Variants in CHD1L observed in about 807,000 individuals in gnomAD.
The protein encoded by CHD1L is ATP-dependent chromatin remodeler CHD1L.
A neutral mutation model predicts 115.9 loss-of-function variants in CHD1L; 118 were observed. That is an observed-to-expected ratio of 1.02 (90% CI 0.88 to 1.19). CHD1L has a LOEUF of 1.19. Ranked by LOEUF, CHD1L falls within the 50% of genes most tolerant of loss-of-function variation. The probability of loss-of-function intolerance (pLI) is 0.00; values close to 1 mark genes in which losing one functional copy is unlikely to be tolerated. For synonymous variants in CHD1L, 411 were observed against 387.1 expected, an observed-to-expected ratio of 1.06 and a Z score of -0.72; for missense variants, 1,179 against 1,065.3, an observed-to-expected ratio of 1.11 and a Z score of -1.49.
chr1:147,224,836 C>T, the CHD1L span: 1 of 1,534,024 alleles, frequency 6.5e-7, no homozygotes. Flanking sequence ...GATAAACTGT[C>T]GTATGCACCT....
intron 1 of CHD1L, among the ~76,000 whole-genome samples, chr1:147,250,944 G>C (rs1473791894): frequency 1.3e-5 from 2 of 152,098 alleles, no homozygotes; most frequent in African/African-American, 4.8e-5. Flanking sequence ...TCATGGTAGT[G>C]AATAAATCTC....
At chr1:147,238,161 G>C (rs183697043), upstream of CHD1L, among the ~76,000 whole-genome samples, 1 of 152,270 alleles carries the variant, frequency 6.6e-6, no homozygotes, top group East Asian at 1.9e-4. Flanking sequence ...TTGCAAGAAA[G>C]AAAACCCAAG....
chr1:147,245,996 T>A (rs1209093145), intron 1 of CHD1L, among the ~76,000 whole-genome samples: 1 of 152,200 alleles, frequency 6.6e-6, no homozygotes, highest in African/African-American at 2.4e-5. Flanking sequence ...CCAGAACATT[T>A]TCCATCTCCA....
the CHD1L span, among the ~76,000 whole-genome samples, chr1:147,221,843 C>T: frequency 7.2e-5 from 11 of 152,334 alleles, no homozygotes; most frequent in South Asian, 4.1e-4. Context: ...TCAAATCCTT[C>T]GAAACACCTG....
the CHD1L span, chr1:147,201,308 C>T: frequency 2.1e-4 from 344 of 1,614,122 alleles, 2 homozygotes; most frequent in South Asian, 1.8e-3. Flanking sequence ...ACCACTTTGA[C>T]GGAATCTTCC....
chr1:147,287,644 G>T lies in CHD1L; in HGVS notation c.2231G>T (p.Gly744Val). 1 of 1,613,510 alleles carries T rather than the reference G, an allele frequency of 6.2e-7. No homozygotes were observed. The highest frequency in any genetic ancestry group is 1.3e-5 in the African/African-American group (1 of 74,982). ...CTCTTTCTTCAAACAGATGACTCTG[G>T]CCACTGGGGCAGAGGTGGTTTATTT... ...ALIVHCVDDS[G>V]HWGRGGLFTA... The change falls in exon 19 of 23, where the codon GGC becomes GTC. Residue 744 changes from glycine to valine, a missense_variant. Coordinates refer to ENST00000369258, the MANE Select transcript of CHD1L (RefSeq NM_004284.6).
chr1:147,294,442 C>T lies in CHD1L; in HGVS notation c.2540C>T (p.Thr847Met), dbSNP rs373116065. ...SVHLPRIGHA[T>M]KGFNWYGTER... ...CATCTTCCACGTATTGGACATGCCA[C>T]GAAAGGTTTTAACTGGTATGGTACT... The change falls in exon 22 of 23, where the codon ACG becomes ATG. Residue 847 changes from threonine to methionine, a missense_variant. Thr to Met is a moderately conservative substitution (Grantham distance 81, BLOSUM62 -1). Transcript: ENST00000369258. The T allele has an allele frequency of 1.2e-5, 19 of 1,612,350 alleles. No individual in the cohort carries two copies. Among genetic ancestry groups the T allele is most frequent in the Middle Eastern group, 3.3e-4 (2 of 6,078 alleles).
intron 19 of CHD1L, among the ~76,000 whole-genome samples, chr1:147,288,799 T>A (rs1684391279): frequency 6.6e-6 from 1 of 152,148 alleles, no homozygotes; most frequent in Non-Finnish European, 1.5e-5. Flanking sequence ...GGTATAACAC[T>A]CCCTGGAGAC....
At chr1:147,279,610 TC>T (rs1680010463) in intron 14 of CHD1L, among the ~76,000 whole-genome samples, 1 of 152,102 alleles carries the variant, frequency 6.6e-6, no homozygotes, top group African/African-American at 2.4e-5. Context: ...AGTGTAGCCT[TC>T]CCTTTCTAAG....
chr1:147,191,948 G>C, the CHD1L span, among the ~76,000 whole-genome samples: 1 of 152,026 alleles, frequency 6.6e-6, no homozygotes, highest in Non-Finnish European at 1.5e-5. Context: ...GTAGCGTGAT[G>C]CCTCCAGCTT....
intron 14 of CHD1L, 144 bp from the exon 15 acceptor site, chr1:147,279,882 A>G (rs1419253206): frequency 1.5e-5 from 11 of 730,452 alleles, no homozygotes; most frequent in Admixed American, 9.3e-5. Flanking sequence ...GGCTGTTACT[A>G]TCTATGATGG....
the CHD1L span, among the ~76,000 whole-genome samples, chr1:147,205,952 A>C: frequency 3.0e-3 from 463 of 152,284 alleles, 4 homozygotes; most frequent in African/African-American, 0.011. Context: ...TGCACAGCAA[A>C]AGAAACTACC....
chr1:147,212,512 A>G, the CHD1L span: 1 of 1,613,790 alleles, frequency 6.2e-7, no homozygotes, highest in Non-Finnish European at 8.5e-7. Context: ...CTGTGGAAGT[A>G]CTGCCCTTTG....
chr1:147,270,014 C>T (rs1675528727), intron 10 of CHD1L, among the ~76,000 whole-genome samples: 1 of 152,086 alleles, frequency 6.6e-6, no homozygotes, highest in Admixed American at 6.5e-5. Context: ...ATTTCACAGA[C>T]CCAGAAAGGT....
the CHD1L span, chr1:147,211,488 TCAAA>T: frequency 7.2e-5 from 11 of 152,222 alleles, no homozygotes; most frequent in African/African-American, 1.4e-4. Context: ...GAAGTGTTTT[TCAAA>T]CAAAGTTGCT....
intron 14 of CHD1L, among the ~76,000 whole-genome samples, chr1:147,277,090 G>T (rs1678776801): frequency 6.6e-6 from 1 of 152,156 alleles, no homozygotes; most frequent in Non-Finnish European, 1.5e-5. Flanking sequence ...GAGGTTTTAG[G>T]CCCCTATGAT....
At chr1:147,281,141 C>T (rs1456691109) in intron 15 of CHD1L, among the ~76,000 whole-genome samples, 1 of 152,204 alleles carries the variant, frequency 6.6e-6, no homozygotes, top group Non-Finnish European at 1.5e-5. Context: ...CTGCCAGAAG[C>T]AATGCCTTCC....
the CHD1L span, among the ~76,000 whole-genome samples, chr1:147,191,567 G>A: frequency 2.9e-4 from 44 of 152,016 alleles, 1 homozygote; most frequent in African/African-American, 1.1e-3. Context: ...TGAGTTCATT[G>A]TAGATTCTGG....
At chr1:147,209,033 TCCTGGTGCTGAGGAAAA>T in the CHD1L span, 27 of 1,613,876 alleles carry the variant, frequency 1.7e-5, no homozygotes, top group Admixed American at 4.5e-4. Context: ...CAAGCCCCTC[TCCTGGTGCTGAGGAAAA>T]CCTGGGGCAT....
Sources: allele counts gnomAD v4.1 joint callset (sites outside exome capture counted in the v4.1 genomes callset), GRCh38; gene constraint gnomAD v4.1.1; transcripts MANE v1.5; gene names NCBI Gene and HGNC (gene_info 2026-07-23, HGNC 2026-07-21).